Variants in CHSY3 observed in about 807,000 individuals in gnomAD.
The protein encoded by CHSY3 is N-acetylgalactosaminyl-proteoglycan 3-beta-glucuronosyltransferase 3.
In CHSY3, 35 loss-of-function variants were observed where a neutral mutation model predicts 67.2. The observed-to-expected ratio is 0.52, with a 90% confidence interval of 0.40 to 0.69. The LOEUF is 0.69. Among genes scored for constraint, CHSY3 ranks in the 30% least tolerant of loss-of-function variants. The pLI is 0.00. For synonymous variants in CHSY3, 474 were observed against 434.7 expected (o/e 1.09, Z -1.12); for missense variants, 1,069 against 1,138.5 (o/e 0.94, Z 0.88).
chr5:130,043,441 T>G (rs1765059385), intron 2 of CHSY3, among the ~76,000 whole-genome samples: 2 of 152,126 alleles, frequency 1.3e-5, no homozygotes, highest in South Asian at 4.1e-4. Context: ...TGAATTTGGA[T>G]GTCTGGAGAG....
At position 129,908,138 on chromosome 5, in the gene CHSY3, G is replaced by A. The variant is rs1354365445; in HGVS notation, c.864G>A (p.Gln288=). Reference sequence around the variant, plus strand: ...GCAGTAAGCCTCTCTACCTGGGACAGACTGGCCTGGGGAATATTGAAGAGC... The same window carrying A: ...GCAGTAAGCCTCTCTACCTGGGACAAACTGGCCTGGGGAATATTGAAGAGC... ...LNSSKPLYLG[Q]TGLGNIEELG... The change falls in exon 2 of 3, where the codon CAG becomes CAA. Residue 288 remains glutamine (Q), a synonymous_variant. Coordinates refer to ENST00000305031, the MANE Select transcript of CHSY3 (RefSeq NM_175856.5). 10 of 1,614,086 alleles carry A rather than the reference G, an allele frequency of 6.2e-6. No homozygotes were observed. Among genetic ancestry groups the A allele is most frequent in the African/African-American group, 4.0e-5 (3 of 74,918 alleles).
Position 129,904,811 on chromosome 5 carries a change from C to A in CHSY3, c.-19C>A. Reference sequence around the variant, plus strand: ...GCGCCGCGACAGCCCAGCGAGCGTCCGCGCCCGGGACAGCCGCGATGGCTG... The same window carrying A: ...GCGCCGCGACAGCCCAGCGAGCGTCAGCGCCCGGGACAGCCGCGATGGCTG... On this transcript the variant is annotated 5_prime_UTR_variant, in exon 1 of 3. Transcript: ENST00000305031. 1.2e-5 allele frequency: 16 copies of A among 1,366,998 alleles called. No homozygotes were observed. Among genetic ancestry groups the A allele is most frequent in the Non-Finnish European group, 1.5e-5 (16 of 1,058,988 alleles). The allele number at this position is 1,366,998 out of a possible 1,614,324, so 84.7% of individuals were successfully genotyped here.
intron 2 of CHSY3, among the ~76,000 whole-genome samples, chr5:130,070,328 T>C (rs1184079328): frequency 6.6e-6 from 1 of 152,176 alleles, no homozygotes. Flanking sequence ...GCAATTTGAG[T>C]TTTTCCCAGA....
intron 2 of CHSY3, among the ~76,000 whole-genome samples, chr5:130,167,885 A>C (rs572182842): frequency 4.9e-4 from 74 of 152,234 alleles, no homozygotes; most frequent in African/African-American, 1.5e-3. Context: ...AATGTAGAAA[A>C]AAATCTAGGA....
chr5:129,942,306 A>G (rs1300962829), intron 2 of CHSY3, among the ~76,000 whole-genome samples: 1 of 152,210 alleles, frequency 6.6e-6, no homozygotes, highest in African/African-American at 2.4e-5. Context: ...ACACTTGTCA[A>G]CACTGTAAGA....
intron 2 of CHSY3, among the ~76,000 whole-genome samples, chr5:129,968,792 C>T (rs1016987274): frequency 7.9e-5 from 12 of 151,878 alleles, no homozygotes; most frequent in African/African-American, 2.9e-4. Flanking sequence ...ATTATCCAGG[C>T]TCAAGGCAGT....
At chr5:130,078,809 A>G (rs1335481749) in intron 2 of CHSY3, among the ~76,000 whole-genome samples, 1 of 152,162 alleles carries the variant, frequency 6.6e-6, no homozygotes, top group African/African-American at 2.4e-5. Flanking sequence ...AGGAGAGGGA[A>G]GAAGACAGGC....
intron 2 of CHSY3, among the ~76,000 whole-genome samples, chr5:130,138,447 T>C (rs1388994765): frequency 6.6e-6 from 1 of 152,156 alleles, no homozygotes; most frequent in Non-Finnish European, 1.5e-5. Context: ...ATGGCTTAGA[T>C]GTAGGGAACT....
At chr5:130,091,531 G>A (rs957768728) in intron 2 of CHSY3, among the ~76,000 whole-genome samples, 4 of 152,142 alleles carry the variant, frequency 2.6e-5, no homozygotes, top group Non-Finnish European at 4.4e-5. Flanking sequence ...ATCTTTTCAA[G>A]ATCCCTCTAG....
intron 2 of CHSY3, among the ~76,000 whole-genome samples, chr5:130,003,327 G>A (rs186043458): frequency 9.8e-5 from 15 of 152,286 alleles, no homozygotes; most frequent in Admixed American, 6.5e-4. Context: ...ATGGACAGAA[G>A]GCTGTTAAAG....
At chr5:129,999,109 C>G (rs554793985) in intron 2 of CHSY3, among the ~76,000 whole-genome samples, 1 of 144,400 alleles carries the variant, frequency 6.9e-6, no homozygotes, top group African/African-American at 2.5e-5. Context: ...AAATACAGAT[C>G]TAGCTCCCCC....
At chr5:130,053,748 C>A (rs1765440684) in intron 2 of CHSY3, among the ~76,000 whole-genome samples, 1 of 151,860 alleles carries the variant, frequency 6.6e-6, no homozygotes, top group African/African-American at 2.4e-5. Context: ...GCATTAGGAG[C>A]CTGAGTGATT....
intron 2 of CHSY3, among the ~76,000 whole-genome samples, chr5:130,183,943 A>G (rs1029372203): frequency 2.0e-5 from 3 of 148,856 alleles, no homozygotes; most frequent in East Asian, 2.0e-4. Context: ...GAATACATCA[A>G]TTAGCTAGAT....
chr5:130,075,114 G>A (rs916109880), intron 2 of CHSY3, among the ~76,000 whole-genome samples: 20 of 151,996 alleles, frequency 1.3e-4, no homozygotes, highest in African/African-American at 4.8e-4. Flanking sequence ...TTTTTTCCAA[G>A]AACAGAGAAG....
At position 130,079,377 on chromosome 5, in the gene CHSY3, A is replaced by T. The variant is rs534815613; in HGVS notation, c.1087-104852A>T. On this transcript the variant is annotated intron_variant, in intron 2 of 2. Transcript: ENST00000305031. The stretch of plus-strand genomic sequence containing the variant: ...TCTTTTATTAAAGACTTGAAGCCAA[A>T]TCTTATAAGGAAAGCTTTTTCTGGC... 4.6e-5 allele frequency among the ~76,000 whole-genome samples: 7 copies of T among 152,282 alleles called. No individual in the cohort carries two copies. In the East Asian group the frequency reaches 1.4e-3, roughly 29 times the overall value.
chr5:130,184,292 A>G lies in CHSY3; in HGVS notation c.1150A>G (p.Asn384Asp). The G allele has an allele frequency of 6.2e-7, 1 of 1,613,810 alleles. No homozygotes were observed. Among genetic ancestry groups the G allele is most frequent in the African/African-American group, 1.3e-5 (1 of 75,042 alleles). The change falls in exon 3 of 3, where the codon AAT becomes GAT. Residue 384 changes from asparagine (N) to aspartate (D), a missense_variant. Asn to Asp is a conservative substitution (Grantham distance 23). Transcript: ENST00000305031. ...NRKGYIQDLH[N>D]SKIHAAITLH... ...GAAGGGTTACATCCAAGACCTTCAC[A>G]ATAGCAAAATCCATGCAGCCATAAC...
chr5:129,906,593 ATTTCT>A, intron 1 of CHSY3, among the ~76,000 whole-genome samples: 1 of 152,298 alleles, frequency 6.6e-6, no homozygotes, highest in Middle Eastern at 3.4e-3. Flanking sequence ...TGGACAGAGA[ATTTCT>A]AAACTCAGCG....
chr5:130,119,594 C>G (rs977509174), intron 2 of CHSY3, among the ~76,000 whole-genome samples: 1 of 152,030 alleles, frequency 6.6e-6, no homozygotes, highest in Non-Finnish European at 1.5e-5. Context: ...CTGAGACTCT[C>G]AACTGAAGGG....
At chr5:130,019,993 T>G (rs1466250432) in intron 2 of CHSY3, among the ~76,000 whole-genome samples, 1 of 152,190 alleles carries the variant, frequency 6.6e-6, no homozygotes, top group Non-Finnish European at 1.5e-5. Flanking sequence ...AGCTTTGTAC[T>G]GAGGAATATT....
Sources: allele counts gnomAD v4.1 joint callset (sites outside exome capture counted in the v4.1 genomes callset), GRCh38; gene constraint gnomAD v4.1.1; transcripts MANE v1.5; gene names NCBI Gene and HGNC (gene_info 2026-07-23, HGNC 2026-07-21).